The following ACAA2 variants were observed in gnomAD, a reference collection of about 807,000 sequenced individuals.
The protein encoded by ACAA2 is acetyl-CoA acyltransferase 2.
In ACAA2, 35 loss-of-function variants were observed where a neutral mutation model predicts 44.8. The observed-to-expected ratio is 0.78, with a 90% confidence interval of 0.60 to 1.04. The LOEUF (loss-of-function observed/expected upper bound fraction) is 1.04. Ranked by LOEUF, ACAA2 falls within the 50% of genes least tolerant of loss-of-function variation. The pLI is 0.00. For synonymous variants in ACAA2, 142 were observed against 166.5 expected (o/e 0.85, Z 1.13); for missense variants, 468 against 482.6 (o/e 0.97, Z 0.28).
At chr18:49,808,392 A>C (rs936611711) in intron 1 of ACAA2, among the ~76,000 whole-genome samples, 3 of 152,228 alleles carry the variant, frequency 2.0e-5, no homozygotes, top group African/African-American at 7.2e-5. Context: ...TTCAAACAAA[A>C]ACCTGCAAAC....
At chr18:49,800,470 GA>G (rs2023533406) in intron 2 of ACAA2, among the ~76,000 whole-genome samples, 1 of 152,236 alleles carries the variant, frequency 6.6e-6, no homozygotes, top group Non-Finnish European at 1.5e-5. Context: ...GAAAGGTGGG[GA>G]AGGGATTGAG....
At chr18:49,810,437 T>C (rs2143984428) in intron 1 of ACAA2, among the ~76,000 whole-genome samples, 1 of 152,326 alleles carries the variant, frequency 6.6e-6, no homozygotes, top group East Asian at 1.9e-4. Flanking sequence ...TTTTATGAAC[T>C]TCTCCCCTAT....
intron 1 of ACAA2, among the ~76,000 whole-genome samples, chr18:49,808,316 C>G (rs184782192): frequency 6.6e-6 from 1 of 152,192 alleles, no homozygotes; most frequent in Non-Finnish European, 1.5e-5. Context: ...ACTAAACACA[C>G]CTAACCATAT....
rs2023478163 is a variant in ACAA2 at position 49,797,468 on chromosome 18, G to C, written c.310C>G (p.Gln104Glu). The C allele has an allele frequency of 6.2e-7, 1 of 1,606,092 alleles. No homozygotes were observed. Among genetic ancestry groups the C allele is most frequent in the African/African-American group, 1.3e-5 (1 of 74,410 alleles). ...ATTTAAAAAAATGTTGTCCATACCT[G>C]ACATCCATTCACAATGGACTGAAAA... ...SGFQSIVNGC[Q>E]EICVKEAEVV... The change falls in exon 3 of 10, where the codon CAG becomes GAG. Residue 104 changes from glutamine (Q) to glutamate (E), a missense_variant and splice_region_variant. Transcript: ENST00000285093.
Position 49,794,175 on chromosome 18 carries a change from T to C in ACAA2, c.577+105A>G, listed in dbSNP as rs947636251. On this transcript the variant is annotated intron_variant, in intron 5 of 9. Transcript: ENST00000285093. ...GAATAATGAAAAGATGTAATAATTCTTAAAGGTATGATTTGTAAATATTAT... is the reference window on the plus strand; with the variant it reads ...GAATAATGAAAAGATGTAATAATTCCTAAAGGTATGATTTGTAAATATTAT... 43 of 859,274 alleles carry C rather than the reference T, an allele frequency of 5.0e-5. 1 individual carries two copies. In the Admixed American group the frequency reaches 1.6e-3, roughly 32 times the overall value. The allele number at this position is 859,274 out of a possible 1,614,324, so 53.2% of individuals were successfully genotyped here.
chr18:49,803,269 TA>T (rs2023577192), intron 1 of ACAA2, among the ~76,000 whole-genome samples: 1 of 148,584 alleles, frequency 6.7e-6, no homozygotes, highest in African/African-American at 2.5e-5. Context: ...ATAATAATAA[TA>T]ATAATAATAA....
intron 2 of ACAA2, among the ~76,000 whole-genome samples, chr18:49,799,560 C>T (rs1044185692): frequency 1.6e-4 from 25 of 152,132 alleles, no homozygotes; most frequent in South Asian, 2.1e-4. Flanking sequence ...GATCTCTGCT[C>T]GCTACAACCT....
intron 1 of ACAA2, 185 bp from the exon 2 acceptor site, chr18:49,803,038 G>A (rs1279014364): frequency 2.8e-6 from 2 of 703,006 alleles, no homozygotes. Flanking sequence ...CAGTTTGACA[G>A]TTTGATCTTT....
At chr18:49,786,004 A>C (rs1300816691) in intron 8 of ACAA2, 1 of 152,208 alleles carries the variant, frequency 6.6e-6, no homozygotes, top group Non-Finnish European at 1.5e-5. Flanking sequence ...ATACTTACAC[A>C]AACTGGCAAT....
intron 7 of ACAA2, among the ~76,000 whole-genome samples, chr18:49,790,842 C>T (rs1171760421): frequency 6.6e-6 from 1 of 152,188 alleles, no homozygotes; most frequent in Non-Finnish European, 1.5e-5. Flanking sequence ...CTAATACTCA[C>T]CTGAGCAAGA....
rs2023459747 is a variant in ACAA2 at position 49,795,900 on chromosome 18, T to G, written c.313-19A>C. The G allele has an allele frequency of 6.8e-7, 1 of 1,472,368 alleles. No homozygotes were observed. The highest frequency in any genetic ancestry group is 9.5e-7 in the Non-Finnish European group (1 of 1,058,154). The allele number at this position is 1,472,368 out of a possible 1,614,324, so 91.2% of individuals were successfully genotyped here. A position where few individuals can be genotyped will look rare whatever the true frequency, so the allele number is the denominator to read the frequency against. On this transcript the variant is annotated intron_variant, in intron 3 of 9. Coordinates refer to ENST00000285093, the MANE Select transcript of ACAA2 (RefSeq NM_006111.3). ...AAATTTCCTATTTAAAAACAAACAG[T>G]AATAAAAACTCCTTTTACCGTACCC...
intron 1 of ACAA2, among the ~76,000 whole-genome samples, chr18:49,812,417 C>G (rs1328436223): frequency 3.3e-5 from 5 of 152,174 alleles, no homozygotes; most frequent in Admixed American, 3.3e-4. Context: ...GTTCATCAAA[C>G]CAGACACTTT....
intron 1 of ACAA2, among the ~76,000 whole-genome samples, chr18:49,804,114 T>C (rs1298923377): frequency 1.3e-5 from 2 of 152,132 alleles, no homozygotes; most frequent in Non-Finnish European, 1.5e-5. Context: ...TTTCACCATG[T>C]TGGCCAGGCT....
Position 49,802,758 on chromosome 18 carries a change from T to C in ACAA2, c.112A>G (p.Lys38Glu). Residue 38 changes from lysine (K) to glutamate (E), a missense_variant, in exon 2 of 10, where the codon AAG (lysine) becomes GAG (glutamate). Coordinates refer to ENST00000285093, the MANE Select transcript of ACAA2 (RefSeq NM_006111.3). ...TATDLSEFAAKAALSAGKVSP... is the reference protein window; with the variant it reads ...TATDLSEFAAEAALSAGKVSP... ...ACTTTGCCAGCAGACAAGGCAGCCT[T>C]GGCAGCAAATTCAGACAAGTCAGTA... is the stretch of plus-strand genomic sequence containing the variant. The C allele has an allele frequency of 6.2e-7, 1 of 1,614,118 alleles. No individual in the cohort carries two copies. The highest frequency in any genetic ancestry group is 8.5e-7 in the Non-Finnish European group (1 of 1,180,024).
At chr18:49,808,114 G>A (rs1351785030) in intron 1 of ACAA2, among the ~76,000 whole-genome samples, 1 of 152,132 alleles carries the variant, frequency 6.6e-6, no homozygotes, top group Non-Finnish European at 1.5e-5. Flanking sequence ...ATGTCATTAG[G>A]GAATTGCAAA....
intron 7 of ACAA2, among the ~76,000 whole-genome samples, chr18:49,788,315 C>G (rs2023357705): frequency 6.6e-6 from 1 of 152,146 alleles, no homozygotes; most frequent in South Asian, 2.1e-4. Flanking sequence ...GTCAAATATT[C>G]TGCATCAAGT....
chr18:49,805,572 CTTT>C (rs557565825), intron 1 of ACAA2, among the ~76,000 whole-genome samples: 1 of 147,964 alleles, frequency 6.8e-6, no homozygotes, highest in Non-Finnish European at 1.5e-5. Context: ...TCAGTGTTTT[CTTT>C]TTTTTTTGAG....
chr18:49,798,476 T>TAAA (rs201938206), intron 2 of ACAA2, among the ~76,000 whole-genome samples: 1 of 144,286 alleles, frequency 6.9e-6, no homozygotes, highest in East Asian at 2.0e-4. Flanking sequence ...AAGAATGACT[T>TAAA]AAAAAAAAAA....
intron 2 of ACAA2, among the ~76,000 whole-genome samples, chr18:49,799,521 A>C (rs548202529): frequency 5.1e-4 from 78 of 152,298 alleles, no homozygotes; most frequent in African/African-American, 1.7e-3. Flanking sequence ...TCAGTGCTCA[A>C]TAGTGCCCAG....
Sources: allele counts gnomAD v4.1 joint callset (sites outside exome capture counted in the v4.1 genomes callset), GRCh38; gene constraint gnomAD v4.1.1; transcripts MANE v1.5; gene names NCBI Gene and HGNC (gene_info 2026-07-23, HGNC 2026-07-21).